Variants in INTS7 observed in about 807,000 individuals in gnomAD.
The protein encoded by INTS7 is integrator complex subunit 7, also known as chromosome 1 open reading frame 73.
INTS7 carries 46 observed loss-of-function variants against 109.2 expected under a neutral mutation model. The ratio of observed to expected loss-of-function variants is 0.42; its 90% CI spans 0.33 to 0.54. INTS7 has a LOEUF of 0.54. INTS7 is among the 20% of genes least tolerant of loss of function. The probability of loss-of-function intolerance (pLI) is 0.07; values close to 1 mark genes in which losing one functional copy is unlikely to be tolerated. For missense variants in INTS7, 929 were observed against 1,132.4 expected (o/e 0.82, Z 2.58); for synonymous variants, 412 against 402.9 (o/e 1.02, Z -0.27).
chr1:211,966,640 T>C, intron 15 of INTS7, 142 bp from the exon 16 acceptor site: 1 of 577,266 alleles, frequency 1.7e-6, no homozygotes, highest in East Asian at 2.9e-5. Flanking sequence ...GGTCTGGGGC[T>C]CTACCTTTTC....
At chr1:211,950,536 T>G (rs1663040040) in intron 17 of INTS7, among the ~76,000 whole-genome samples, 1 of 152,194 alleles carries the variant, frequency 6.6e-6, no homozygotes, top group Non-Finnish European at 1.5e-5. Flanking sequence ...CCTCCCAAAG[T>G]GCTGGGATTA....
intron 16 of INTS7, among the ~76,000 whole-genome samples, chr1:211,962,396 G>C (rs1456817407): frequency 6.6e-6 from 1 of 151,834 alleles, no homozygotes; most frequent in East Asian, 1.9e-4. Flanking sequence ...AGTGCTTAGA[G>C]ACCTTCAAAG....
chr1:212,003,919 G>T (rs1665789848), intron 7 of INTS7, among the ~76,000 whole-genome samples: 1 of 152,154 alleles, frequency 6.6e-6, no homozygotes, highest in African/African-American at 2.4e-5. Flanking sequence ...GAGTGAAAAG[G>T]AACAGGGGAG....
intron 1 of INTS7, among the ~76,000 whole-genome samples, chr1:212,033,986 G>C (rs1198068277): frequency 6.6e-6 from 1 of 152,148 alleles, no homozygotes; most frequent in Admixed American, 6.5e-5. Flanking sequence ...GGGAGGCTGA[G>C]GCAGGAGAAC....
intron 4 of INTS7, chr1:212,011,738 C>T: frequency 4.3e-6 from 1 of 230,336 alleles, no homozygotes; most frequent in Non-Finnish European, 8.5e-6. Flanking sequence ...AGGGCCTGAC[C>T]TTTTTCACTC....
intron 4 of INTS7, among the ~76,000 whole-genome samples, chr1:212,015,528 C>T (rs1346574330): frequency 2.0e-5 from 3 of 151,608 alleles, no homozygotes; most frequent in African/African-American, 7.3e-5. Flanking sequence ...TAAGAGTCAT[C>T]ACCACTCCCT....
At chr1:212,031,608 T>C (rs563075908) in intron 1 of INTS7, among the ~76,000 whole-genome samples, 2 of 152,328 alleles carry the variant, frequency 1.3e-5, no homozygotes, top group East Asian at 3.9e-4. Context: ...TCTCCTTACA[T>C]TTGTATGCAA....
At chr1:212,020,753 T>C (rs757760541) in intron 2 of INTS7, 1 of 1,014,414 alleles carries the variant, frequency 9.9e-7, no homozygotes, top group Non-Finnish European at 1.2e-6. Context: ...ATGCATCTCA[T>C]GCTATAAAAT....
At position 212,023,249 on chromosome 1, in the gene INTS7, T is replaced by A. The variant is rs533507281; in HGVS notation, c.95-2037A>T. ...GTGTCTTTTGGGCAGAATGATTTAT[T>A]TTCCTTTGTGTATATATCCAGTAAT... On this transcript the variant is annotated intron_variant, in intron 1 of 19. Transcript: ENST00000366994. Among the ~76,000 whole-genome samples, 7 of 152,314 alleles carry A rather than the reference T, an allele frequency of 4.6e-5. No homozygotes were observed. In the South Asian group the frequency reaches 1.5e-3, roughly 32 times the overall value.
chr1:211,982,633 T>C, intron 9 of INTS7, 43 bp downstream of exon 9: 1 of 1,495,592 alleles, frequency 6.7e-7, no homozygotes. Context: ...GTCCAAGGTC[T>C]AAACCAAAGT....
chr1:211,967,827 A>T, intron 15 of INTS7, 51 bp downstream of exon 15: 1 of 975,794 alleles, frequency 1.0e-6, no homozygotes, highest in Non-Finnish European at 1.6e-6. Context: ...GTCCGTATTT[A>T]AAAGAATACT....
chr1:211,976,784 A>G, intron 11 of INTS7, 65 bp from the exon 12 acceptor site: 1 of 1,512,776 alleles, frequency 6.6e-7, no homozygotes, highest in Non-Finnish European at 9.1e-7. Flanking sequence ...TTGATAACCT[A>G]CCCCAAAGGG....
At chr1:212,027,179 G>A (rs1280507802) in intron 1 of INTS7, among the ~76,000 whole-genome samples, 1 of 152,172 alleles carries the variant, frequency 6.6e-6, no homozygotes, top group African/African-American at 2.4e-5. Flanking sequence ...AGGTGAAAAA[G>A]AAGGAAAAAG....
intron 8 of INTS7, among the ~76,000 whole-genome samples, chr1:211,985,504 A>C (rs1664857027): frequency 6.6e-6 from 1 of 152,206 alleles, no homozygotes; most frequent in South Asian, 2.1e-4. Flanking sequence ...TATAAGCCAA[A>C]ATTAACAAAC....
In INTS7 at chr1:211,959,204, G is replaced by A. The variant is rs576694833; in HGVS notation, c.2184-6503C>T. 3.6e-4 allele frequency among the ~76,000 whole-genome samples: 55 copies of A among 152,268 alleles called. No homozygotes were observed. Among genetic ancestry groups the A allele is most frequent in the South Asian group, 3.1e-3 (15 of 4,834 alleles). ...TGTGTGAGCATCTGTAGTGGAATAC[G>A]GCCAGGGGCAGCCATCCCTCTAGGC... On this transcript the variant is annotated intron_variant, in intron 16 of 19. Coordinates refer to ENST00000366994, the MANE Select transcript of INTS7 (RefSeq NM_015434.4). The surrounding 1 kb of genome is among the most constrained non-coding windows in gnomAD (Gnocchi z 4.2).
intron 8 of INTS7, 117 bp downstream of exon 8, chr1:211,987,769 G>T: frequency 1.9e-6 from 1 of 524,084 alleles, no homozygotes; most frequent in Non-Finnish European, 3.4e-6. Context: ...AGCATGCAAT[G>T]GAGTATGAGA....
rs1215965720 is a variant in INTS7 at position 211,941,740 on chromosome 1, T to TA, written c.*83dup. ...GAATAAATGAACTACACTGTAACTT[T>TA]AATACTTATTCCATATGAAAAACCA... On this transcript the variant is annotated 3_prime_UTR_variant, in exon 20 of 20. Coordinates refer to ENST00000366994, the MANE Select transcript of INTS7 (RefSeq NM_015434.4). The TA allele has an allele frequency of 6.6e-7, 1 of 1,504,926 alleles. No individual in the cohort carries two copies. Among genetic ancestry groups the TA allele is most frequent in the Non-Finnish European group, 9.0e-7 (1 of 1,116,386 alleles). The allele number at this position is 1,504,926 out of a possible 1,614,324, so 93.2% of individuals were successfully genotyped here.
chr1:212,011,449 A>G (rs1571903425), intron 4 of INTS7, 28 bp from the exon 5 acceptor site: 2 of 1,430,922 alleles, frequency 1.4e-6, no homozygotes, highest in African/African-American at 3.0e-5. Flanking sequence ...AGAGAACAGA[A>G]AAAACTTACA....
intron 7 of INTS7, among the ~76,000 whole-genome samples, chr1:211,997,606 C>T (rs1029682738): frequency 6.6e-6 from 1 of 150,396 alleles, no homozygotes; most frequent in African/African-American, 2.4e-5. Context: ...TGGCCAGGCA[C>T]AGTGGCTCTC....
Sources: gnomAD v4.1 joint callset for allele counts (sites outside exome capture counted in the v4.1 genomes callset) on GRCh38, gnomAD v4.1.1 for gene constraint, Gnocchi (gnomAD v3.1) non-coding constraint, MANE v1.5 for transcripts, NCBI Gene and HGNC (gene_info 2026-07-23, HGNC 2026-07-21) for gene names.